The following SIAH3 variants were observed in gnomAD, a reference collection of about 807,000 sequenced individuals.
SIAH3 encodes siah E3 ubiquitin protein ligase family member 3.
In SIAH3, 9 loss-of-function variants were observed where a neutral mutation model predicts 12.6. The ratio of observed to expected loss-of-function variants is 0.72; its 90% CI spans 0.43 to 1.25. The LOEUF (loss-of-function observed/expected upper bound fraction) is 1.25, where lower values mean the gene tolerates loss of function less well. SIAH3 is among the 50% of genes most tolerant of loss of function. The pLI is 0.00. For synonymous variants in SIAH3, 154 were observed against 151.1 expected (o/e 1.02, Z -0.14); for missense variants, 390 against 365.4 (o/e 1.07, Z -0.55).
intron 1 of SIAH3, among the ~76,000 whole-genome samples, chr13:45,836,806 G>A (rs953992496): frequency 2.6e-5 from 4 of 152,206 alleles, no homozygotes; most frequent in African/African-American, 9.7e-5. Context: ...GCCTCAGTCA[G>A]TAACCTTGTG....
At chr13:45,800,272 A>C (rs1241537763) in intron 1 of SIAH3, among the ~76,000 whole-genome samples, 2 of 152,212 alleles carry the variant, frequency 1.3e-5, no homozygotes, top group Non-Finnish European at 2.9e-5. Flanking sequence ...ATATGCGTCA[A>C]GAGATGTAGC....
chr13:45,777,343 T>C lies in SIAH3; in HGVS notation c.*6040A>G, dbSNP rs1274283448. On this transcript the variant is annotated 3_prime_UTR_variant, in exon 2 of 2. Transcript: ENST00000400405. Reference sequence around the variant, plus strand: ...GTCCAAGTTATTGTCTTTAACATTATAAGAAAGCATAGAAAATTATATATA... The same window carrying C: ...GTCCAAGTTATTGTCTTTAACATTACAAGAAAGCATAGAAAATTATATATA... 1.3e-5 allele frequency: 2 copies of C among 152,208 alleles called. No individual in the cohort carries two copies. Among genetic ancestry groups the C allele is most frequent in the Admixed American group, 1.3e-4 (2 of 15,286 alleles). 9.4% of individuals were successfully genotyped at this position (152,208 alleles called of 1,614,324 possible). A position where few individuals can be genotyped will look rare whatever the true frequency, so the allele number is the denominator to read the frequency against.
chr13:45,844,607 G>A (rs565775710), intron 1 of SIAH3, among the ~76,000 whole-genome samples: 1 of 152,296 alleles, frequency 6.6e-6, no homozygotes, highest in Middle Eastern at 3.4e-3. Context: ...ATAATCGTGT[G>A]AGCCAATTTT....
At chr13:45,807,381 A>G (rs1950601536) in intron 1 of SIAH3, among the ~76,000 whole-genome samples, 1 of 152,206 alleles carries the variant, frequency 6.6e-6, no homozygotes, top group Admixed American at 6.5e-5. Context: ...AGACTATTCA[A>G]TAAAATTGTA....
chr13:45,843,376 C>T (rs922435807), intron 1 of SIAH3, among the ~76,000 whole-genome samples: 3 of 152,070 alleles, frequency 2.0e-5, no homozygotes, highest in African/African-American at 2.4e-5. Context: ...ATATACTCTT[C>T]GAATCAGATA....
At chr13:45,788,426 C>T (rs900716913) in intron 1 of SIAH3, among the ~76,000 whole-genome samples, 2 of 152,152 alleles carry the variant, frequency 1.3e-5, no homozygotes, top group Admixed American at 6.5e-5. Context: ...TCAGTGGATG[C>T]CTTCCTTCCA....
intron 1 of SIAH3, among the ~76,000 whole-genome samples, chr13:45,846,084 C>CTTTTTTTTTTTTT (rs386379026): frequency 3.5e-5 from 3 of 85,702 alleles, no homozygotes; most frequent in African/African-American, 5.1e-5. Flanking sequence ...GACCTAACTT[C>CTTTTTTTTTTTTT]TTTTTTTTTT....
rs1375364759 is a variant in SIAH3 at position 45,783,602 on chromosome 13, G to C, written c.591C>G (p.Asp197Glu). ...TGAGCTCCAGGCGATAGGTGAAGCA[G>C]TCGGCCTGGGTGGGGGTCCCAATCA... is the stretch of plus-strand genomic sequence containing the variant. ...MMLIGTPTQA[D>E]CFTYRLELNR... is the part of the protein sequence containing the mutation. Residue 197 changes from aspartate (D) to glutamate (E), a missense_variant, in exon 2 of 2, where the codon GAC (aspartate) becomes GAG (glutamate). By Grantham distance (45) the Asp-to-Glu change is conservative. Transcript: ENST00000400405. 2 of 1,614,238 alleles carry C rather than the reference G, an allele frequency of 1.2e-6. No individual in the cohort carries two copies. Among genetic ancestry groups the C allele is most frequent in the Non-Finnish European group, 1.7e-6 (2 of 1,180,034 alleles).
At chr13:45,837,610 A>T (rs1950723130) in intron 1 of SIAH3, among the ~76,000 whole-genome samples, 1 of 123,064 alleles carries the variant, frequency 8.1e-6, no homozygotes, top group Non-Finnish European at 1.7e-5. Flanking sequence ...GGACAGAGGG[A>T]GGGAGGGAGG....
chr13:45,833,063 C>A (rs1950705237), intron 1 of SIAH3, among the ~76,000 whole-genome samples: 1 of 152,180 alleles, frequency 6.6e-6, no homozygotes, highest in South Asian at 2.1e-4. Context: ...GGGGAAACTG[C>A]ATAGGAACTG....
chr13:45,794,791 C>T (rs1316622872), intron 1 of SIAH3, among the ~76,000 whole-genome samples: 2 of 152,074 alleles, frequency 1.3e-5, no homozygotes, highest in South Asian at 2.1e-4. Flanking sequence ...TTATTAGCAG[C>T]GAGAGAATGA....
At chr13:45,794,193 A>T (rs1378252209) in intron 1 of SIAH3, among the ~76,000 whole-genome samples, 3 of 151,904 alleles carry the variant, frequency 2.0e-5, no homozygotes, top group Non-Finnish European at 2.9e-5. Flanking sequence ...CCTGGGTTCA[A>T]GTGATTCTCC....
chr13:45,819,501 T>A (rs1407651989), intron 1 of SIAH3, among the ~76,000 whole-genome samples: 1 of 151,660 alleles, frequency 6.6e-6, no homozygotes, highest in Non-Finnish European at 1.5e-5. Flanking sequence ...AACCAATAAC[T>A]GCAAATTAGG....
chr13:45,836,628 TGGGGAGAGGGA>T (rs1950718845), intron 1 of SIAH3, among the ~76,000 whole-genome samples: 1 of 151,974 alleles, frequency 6.6e-6, no homozygotes, highest in Non-Finnish European at 1.5e-5. Flanking sequence ...TGTGAGGGGA[TGGGGAGAGGGA>T]GAGCATCAGG....
intron 1 of SIAH3, among the ~76,000 whole-genome samples, chr13:45,803,665 G>C (rs1566090055): frequency 6.6e-6 from 1 of 152,174 alleles, no homozygotes; most frequent in Non-Finnish European, 1.5e-5. Flanking sequence ...ATCCTGGAAG[G>C]TCAAGGTAGT....
Position 45,779,571 on chromosome 13 carries a change from A to C in SIAH3, c.*3812T>G, listed in dbSNP as rs1950496226. 1 of 152,224 alleles carries C rather than the reference A, an allele frequency of 6.6e-6. No homozygotes were observed. Among genetic ancestry groups the C allele is most frequent in the African/African-American group, 2.4e-5 (1 of 41,444 alleles). The allele number at this position is 152,224 out of a possible 1,614,324, so 9.4% of individuals were successfully genotyped here. Reference sequence around the variant, plus strand: ...GCCATACGTACCCGGTCCCAGGCCCAGCTCTGCCATTTGCTAGCTGGGTGA... The same window carrying C: ...GCCATACGTACCCGGTCCCAGGCCCCGCTCTGCCATTTGCTAGCTGGGTGA... On this transcript the variant is annotated 3_prime_UTR_variant, in exon 2 of 2. Coordinates refer to ENST00000400405, the MANE Select transcript of SIAH3 (RefSeq NM_198849.3).
intron 1 of SIAH3, among the ~76,000 whole-genome samples, chr13:45,816,465 A>G (rs918669805): frequency 6.6e-6 from 1 of 152,236 alleles, no homozygotes; most frequent in Non-Finnish European, 1.5e-5. Flanking sequence ...GGAAAGTAAT[A>G]TTCATCTATT....
Position 45,809,255 on chromosome 13 carries a change from G to A in SIAH3, c.136-25198C>T, listed in dbSNP as rs11843454. On this transcript the variant is annotated intron_variant, in intron 1 of 1. Coordinates refer to ENST00000400405, the MANE Select transcript of SIAH3 (RefSeq NM_198849.3). ...GAACTGAGACCTTTAAATGGACTCTGTAAGTTTTGTTCCACCCTTAAGGCT... is the reference window on the plus strand; with the variant it reads ...GAACTGAGACCTTTAAATGGACTCTATAAGTTTTGTTCCACCCTTAAGGCT... 6.4e-3 allele frequency among the ~76,000 whole-genome samples: 970 copies of A among 152,302 alleles called. 18 individuals are homozygous for A. Among genetic ancestry groups the A allele is most frequent in the African/African-American group, 0.022 (908 of 41,564 alleles).
At chr13:45,816,842 A>G (rs2137567717) in intron 1 of SIAH3, among the ~76,000 whole-genome samples, 1 of 152,352 alleles carries the variant, frequency 6.6e-6, no homozygotes, top group East Asian at 1.9e-4. Flanking sequence ...AACAGTAGTA[A>G]TAACTATAAT....
Sources: allele counts gnomAD v4.1 joint callset (sites outside exome capture counted in the v4.1 genomes callset), GRCh38; gene constraint gnomAD v4.1.1; transcripts MANE v1.5; gene names NCBI Gene and HGNC (gene_info 2026-07-23, HGNC 2026-07-21).